TBC1D14: variants seen among roughly 807,000 people sequenced by gnomAD.
TBC1D14 encodes the protein TBC1 domain family member 14.
Under a neutral mutation model 79.0 loss-of-function variants are expected in TBC1D14, and 26 were observed. That is an observed-to-expected ratio of 0.33 (90% CI 0.24 to 0.46). The LOEUF is 0.46. Among genes scored for constraint, TBC1D14 ranks in the 20% least tolerant of loss-of-function variants. The pLI, the probability that TBC1D14 is intolerant of heterozygous loss-of-function variation, is 1.00. For missense variants in TBC1D14, 769 were observed against 887.6 expected (o/e 0.87, Z 1.70); for synonymous variants, 394 against 349.9 (o/e 1.13, Z -1.40).
Position 6,950,410 on chromosome 4 carries a change from C to G in TBC1D14, c.723-16894C>G, listed in dbSNP as rs558265029. Among the ~76,000 whole-genome samples the G allele has an allele frequency of 3.3e-5, 5 of 152,072 alleles. No individual in the cohort carries two copies. The East Asian group carries it at 9.6e-4, about 29-fold the overall frequency. On this transcript the variant is annotated intron_variant, in intron 2 of 13. Transcript: ENST00000409757. ...ACTCTTACACCTTTCATTTTGTTTT[C>G]TTGTCTTATTGTATGGCCAGGCTCT...
intron 9 of TBC1D14, chr4:7,007,649 C>G: frequency 7.9e-7 from 1 of 1,262,476 alleles, no homozygotes; most frequent in Non-Finnish European, 1.0e-6. Flanking sequence ...GCGAGCACCC[C>G]ACTGGCTTGC....
Position 7,032,386 on chromosome 4 carries a change from C to T in TBC1D14, c.*1994C>T, listed in dbSNP as rs1184335993. 1.3e-5 allele frequency: 2 copies of T among 152,652 alleles called. No homozygotes were observed. The highest frequency in any genetic ancestry group is 4.8e-5 in the African/African-American group (2 of 41,448). The allele number at this position is 152,652 out of a possible 1,614,324, so 9.5% of individuals were successfully genotyped here. On this transcript the variant is annotated 3_prime_UTR_variant, in exon 14 of 14. Coordinates refer to ENST00000409757, the MANE Select transcript of TBC1D14 (RefSeq NM_020773.3). The stretch of plus-strand genomic sequence containing the variant: ...TTAAGTCGTACAGAAGGTGGCGCGG[C>T]AAAGGGCCTCGTGCAGTGTGTTCAG...
At chr4:6,969,407 T>A (rs1716016387) in intron 3 of TBC1D14, among the ~76,000 whole-genome samples, 1 of 152,068 alleles carries the variant, frequency 6.6e-6, no homozygotes, top group African/African-American at 2.4e-5. Context: ...AAGACCCTGT[T>A]TTTTTTTCTT....
At chr4:6,927,290 G>A (rs2108934891) in intron 2 of TBC1D14, among the ~76,000 whole-genome samples, 1 of 152,178 alleles carries the variant, frequency 6.6e-6, no homozygotes, top group African/African-American at 2.4e-5. Flanking sequence ...TGCTGTTACT[G>A]TGGGTGGGGA....
chr4:7,009,807 G>A (rs1256755232), intron 9 of TBC1D14, 70 bp from the exon 10 acceptor site: 1 of 1,458,872 alleles, frequency 6.9e-7, no homozygotes, highest in Non-Finnish European at 9.6e-7. Flanking sequence ...AGCAGTAGTA[G>A]TATCAGATGT....
At position 7,025,146 on chromosome 4, in the gene TBC1D14, G is replaced by A; in HGVS notation, c.1900G>A (p.Asp634Asn). ...GTTCGAGGACATCCTGACCAAGATG[G>A]ACTTCATTCACATGGCCCAGTTCCT... is the stretch of plus-strand genomic sequence containing the variant. ...KLFEDILTKM[D>N]FIHMAQFLTR... Residue 634 changes from aspartate (D) to asparagine (N), a missense_variant, in exon 13 of 14, where the codon GAC becomes AAC. Around this residue, in one of 2 missense-constraint regions of TBC1D14, gnomAD observed 367 missense variants for 494.4 expected, o/e 0.74. Coordinates refer to ENST00000409757, the MANE Select transcript of TBC1D14 (RefSeq NM_020773.3). 6.2e-7 allele frequency: 1 copy of A among 1,614,208 alleles called. No individual in the cohort carries two copies. The highest frequency in any genetic ancestry group is 1.1e-5 in the South Asian group (1 of 91,086).
At chr4:6,997,948 T>G (rs781601513) in intron 5 of TBC1D14, among the ~76,000 whole-genome samples, 114 of 152,152 alleles carry the variant, frequency 7.5e-4, no homozygotes, top group Non-Finnish European at 1.3e-3. Flanking sequence ...GGTGGTGTGG[T>G]TGTACAGTAT....
In TBC1D14 at chr4:6,946,653, C is replaced by A. The variant is rs74897281; in HGVS notation, c.723-20651C>A. On this transcript the variant is annotated intron_variant, in intron 2 of 13. Transcript: ENST00000409757. ...GTTATTTATTAATAAGCAGAGTTAACAGACACAAACTCTGATGGTAACTGA... is the reference window on the plus strand; with the variant it reads ...GTTATTTATTAATAAGCAGAGTTAAAAGACACAAACTCTGATGGTAACTGA... Among the ~76,000 whole-genome samples, 298 of 152,236 alleles carry A rather than the reference C, an allele frequency of 2.0e-3. 3 individuals carry two copies. Among genetic ancestry groups the A allele is most frequent in the African/African-American group, 6.8e-3 (284 of 41,534 alleles).
chr4:6,999,293 C>T (rs1391926100), intron 6 of TBC1D14, 91 bp downstream of exon 6: 2 of 1,125,666 alleles, frequency 1.8e-6, no homozygotes, highest in Non-Finnish European at 2.7e-6. Context: ...CCAGCAGTGA[C>T]ACCCTGGATG....
At chr4:6,984,406 G>C (rs1717640038) in intron 3 of TBC1D14, among the ~76,000 whole-genome samples, 1 of 152,138 alleles carries the variant, frequency 6.6e-6, no homozygotes, top group Non-Finnish European at 1.5e-5. Context: ...CTTCAGTCTT[G>C]TGTGCATAGA....
At chr4:6,916,535 G>C (rs1723415413) in intron 1 of TBC1D14, among the ~76,000 whole-genome samples, 1 of 152,180 alleles carries the variant, frequency 6.6e-6, no homozygotes, top group South Asian at 2.1e-4. Flanking sequence ...GTTGCTTCTA[G>C]ATGGAATTGT....
At chr4:6,987,270 GA>G in intron 3 of TBC1D14, 1 of 1,293,376 alleles carries the variant, frequency 7.7e-7, no homozygotes, top group Non-Finnish European at 9.8e-7. Context: ...CGCGGTCCGG[GA>G]GGGAGGGAGG....
intron 2 of TBC1D14, among the ~76,000 whole-genome samples, chr4:6,951,331 C>T (rs1271412276): frequency 1.3e-5 from 2 of 151,940 alleles, no homozygotes; most frequent in East Asian, 3.8e-4. Flanking sequence ...ACATAAAAAA[C>T]CCTCATAGAA....
At chr4:6,961,554 C>T (rs1384948961) in intron 2 of TBC1D14, among the ~76,000 whole-genome samples, 3 of 152,074 alleles carry the variant, frequency 2.0e-5, no homozygotes, top group Admixed American at 1.3e-4. Flanking sequence ...AGTCTCCTCT[C>T]GGGGGCACTT....
chr4:6,916,750 T>C (rs1723431772), intron 1 of TBC1D14, among the ~76,000 whole-genome samples: 2 of 152,226 alleles, frequency 1.3e-5, no homozygotes, highest in Non-Finnish European at 2.9e-5. Context: ...ACAGTCTTCC[T>C]CTTATCCGTA....
chr4:6,973,986 G>A (rs1466770795), intron 3 of TBC1D14, among the ~76,000 whole-genome samples: 1 of 151,910 alleles, frequency 6.6e-6, no homozygotes, highest in African/African-American at 2.4e-5. Context: ...ACCACCCCCG[G>A]CTCATTTTTA....
intron 2 of TBC1D14, among the ~76,000 whole-genome samples, chr4:6,924,375 T>A (rs1724114940): frequency 6.6e-6 from 1 of 152,152 alleles, no homozygotes; most frequent in African/African-American, 2.4e-5. Flanking sequence ...GTCCCACAGG[T>A]GGCCAGTGTT....
At chr4:6,934,745 G>A (rs1459462124) in intron 2 of TBC1D14, among the ~76,000 whole-genome samples, 2 of 152,188 alleles carry the variant, frequency 1.3e-5, no homozygotes, top group Non-Finnish European at 2.9e-5. Flanking sequence ...CTGTTTTCGT[G>A]AAGTGGTGCA....
At position 7,025,177 on chromosome 4, in the gene TBC1D14, G is replaced by A. The variant is rs1047554547; in HGVS notation, c.1931G>A (p.Arg644Gln). 37 of 1,614,094 alleles carry A rather than the reference G, an allele frequency of 2.3e-5. No individual in the cohort carries two copies. The highest frequency in any genetic ancestry group is 3.3e-5 in the Admixed American group (2 of 60,010). Residue 644 changes from arginine (R) to glutamine (Q), a missense_variant, in exon 13 of 14, where the codon CGG becomes CAG. Physicochemically the swap from Arg to Gln is conservative, Grantham distance 43 (BLOSUM62 1). Around this residue, in one of 2 missense-constraint regions of TBC1D14, gnomAD observed 367 missense variants for 494.4 expected, o/e 0.74. Coordinates refer to ENST00000409757, the MANE Select transcript of TBC1D14 (RefSeq NM_020773.3). Reference sequence around the variant, plus strand: ...ATTCACATGGCCCAGTTCCTGACCCGGCTGCCCGAGGACCTGCCCGCCGAG... The same window carrying A: ...ATTCACATGGCCCAGTTCCTGACCCAGCTGCCCGAGGACCTGCCCGCCGAG... ...DFIHMAQFLT[R>Q]LPEDLPAEEL...
Sources: gnomAD v4.1 joint callset for allele counts (sites outside exome capture counted in the v4.1 genomes callset) on GRCh38, gnomAD v4.1.1 for gene constraint, gnomAD v4.1.1 regional missense constraint, MANE v1.5 for transcripts, NCBI Gene and HGNC (gene_info 2026-07-23, HGNC 2026-07-21) for gene names.